HMCN1: variants seen among roughly 807,000 people sequenced by gnomAD.
HMCN1 encodes hemicentin-1.
In HMCN1, 321 loss-of-function variants were observed where a neutral mutation model predicts 625.9. The observed-to-expected ratio is 0.51, with a 90% CI of 0.47 to 0.56. The LOEUF is 0.56. HMCN1 is among the 20% of genes least tolerant of loss of function. HMCN1 has a pLI of 0.00. For synonymous variants in HMCN1, 2,425 were observed against 2,417.6 expected (o/e 1.00, Z -0.09); for missense variants, 6,588 against 6,887.3 (o/e 0.96, Z 1.54).
intron 11 of HMCN1, among the ~76,000 whole-genome samples, chr1:185,953,747 AG>A (rs1203216778): frequency 6.6e-6 from 1 of 151,798 alleles, no homozygotes; most frequent in African/African-American, 2.4e-5. Context: ...CCCCGATCCG[AG>A]TCACGGCACC....
At chr1:186,032,840 T>C (rs1343216804) in intron 36 of HMCN1, among the ~76,000 whole-genome samples, 1 of 152,034 alleles carries the variant, frequency 6.6e-6, no homozygotes, top group Non-Finnish European at 1.5e-5. Context: ...ACAACCACTA[T>C]GGAGAACAGT....
chr1:185,948,000 T>TTAAATAA (rs1668430899), intron 11 of HMCN1, among the ~76,000 whole-genome samples: 1 of 152,202 alleles, frequency 6.6e-6, no homozygotes, highest in African/African-American at 2.4e-5. Context: ...ATAAGCTGAT[T>TTAAATAA]GACCTAAATC....
chr1:185,883,738 C>G (rs896714330), intron 4 of HMCN1, among the ~76,000 whole-genome samples: 1 of 151,820 alleles, frequency 6.6e-6, no homozygotes, highest in African/African-American at 2.4e-5. Flanking sequence ...TTTTCAATTT[C>G]TAAAATTTAG....
Position 186,189,797 on chromosome 1 carries a change from C to T in HMCN1, c.16827C>T (p.Ala5609=). ...EAETYRMRVR[A]SSYSANGTIE... The stretch of plus-strand genomic sequence containing the variant: ...AGACCTACCGCATGAGGGTCCGAGC[C>T]TCATCCTACAGTGCCAATGGGACCA... The change falls in exon 107 of 107, where the codon GCC becomes GCT. Residue 5609 remains alanine, a synonymous_variant. Coordinates refer to ENST00000271588, the MANE Select transcript of HMCN1 (RefSeq NM_031935.3). 2 of 1,613,780 alleles carry T rather than the reference C, an allele frequency of 1.2e-6. No homozygotes were observed. The highest frequency in any genetic ancestry group is 1.7e-4 in the Middle Eastern group (1 of 6,050).
intron 4 of HMCN1, among the ~76,000 whole-genome samples, chr1:185,877,774 T>C (rs1664051641): frequency 6.6e-6 from 1 of 152,104 alleles, no homozygotes; most frequent in African/African-American, 2.4e-5. Flanking sequence ...GAGGTACATG[T>C]GCAGGTTTGT....
At chr1:185,987,135 A>C (rs79420571) in intron 19 of HMCN1, among the ~76,000 whole-genome samples, 1 of 146,574 alleles carries the variant, frequency 6.8e-6, no homozygotes, top group African/African-American at 2.5e-5. Flanking sequence ...GTTTCCAGCA[A>C]AAAAAAAAAA....
chr1:185,886,283 CA>C, intron 4 of HMCN1, among the ~76,000 whole-genome samples: 1 of 151,510 alleles, frequency 6.6e-6, no homozygotes, highest in Middle Eastern at 3.4e-3. Context: ...AAGAAAAGCC[CA>C]ATTGTGTACA....
At chr1:185,996,909 A>G (rs1409524044) in intron 24 of HMCN1, among the ~76,000 whole-genome samples, 2 of 152,114 alleles carry the variant, frequency 1.3e-5, no homozygotes, top group East Asian at 1.9e-4. Context: ...TTTGAATTAG[A>G]TAAGTCAATG....
At chr1:186,117,703 CAGAATAAA>C in intron 77 of HMCN1, 80 bp downstream of exon 77, 1 of 1,360,692 alleles carries the variant, frequency 7.3e-7, no homozygotes, top group Non-Finnish European at 1.0e-6. Flanking sequence ...TTTGTTGCAC[CAGAATAAA>C]AGAATAAAAT....
intron 40 of HMCN1, among the ~76,000 whole-genome samples, chr1:186,044,448 A>G (rs1040741348): frequency 3.3e-5 from 5 of 152,132 alleles, no homozygotes; most frequent in African/African-American, 4.8e-5. Flanking sequence ...TTCCCTCTGT[A>G]GCAGACATGG....
Position 186,189,560 on chromosome 1 carries a change from C to T in HMCN1, c.16590C>T (p.Ser5530=), listed in dbSNP as rs779068275. ...CPPNDLECAL[S]PYALEYKLVS... is the part of the protein sequence containing the mutation. Reference sequence around the variant, plus strand: ...CCAATGATTTGGAATGTGCCTTGAGCCCATATGCCTTGGAATACAAACTCG... The same window carrying T: ...CCAATGATTTGGAATGTGCCTTGAGTCCATATGCCTTGGAATACAAACTCG... Residue 5530 remains serine (S), a synonymous_variant, in exon 107 of 107, where the codon AGC becomes AGT. Transcript: ENST00000271588. The T allele has an allele frequency of 3.3e-5, 54 of 1,613,386 alleles. 2 individuals are homozygous for T. In the South Asian group the frequency reaches 4.9e-4, roughly 15 times the overall value.
At position 186,130,690 on chromosome 1, in the gene HMCN1, G is replaced by A. The variant is rs779507844; in HGVS notation, c.13223G>A (p.Gly4408Asp). The A allele has an allele frequency of 2.5e-6, 4 of 1,612,308 alleles. No individual in the cohort carries two copies. Among genetic ancestry groups the A allele is most frequent in the Non-Finnish European group, 3.4e-6 (4 of 1,179,404 alleles). Residue 4408 changes from glycine (G) to aspartate (D), a missense_variant, in exon 85 of 107, where the codon GGC (glycine) becomes GAC (aspartate). Gly to Asp is a moderately conservative substitution (Grantham distance 94, BLOSUM62 -1). Coordinates refer to ENST00000271588, the MANE Select transcript of HMCN1 (RefSeq NM_031935.3). ...QLGNGSLAIY[G>D]TVNEDAGDYT... Reference sequence around the variant, plus strand: ...GGCAATGGCTCCCTGGCCATCTATGGCACTGTTGTAAGTCACGCCAGAATG... The same window carrying A: ...GGCAATGGCTCCCTGGCCATCTATGACACTGTTGTAAGTCACGCCAGAATG...
At chr1:185,951,191 A>G (rs1384565852) in intron 11 of HMCN1, among the ~76,000 whole-genome samples, 16 of 151,112 alleles carry the variant, frequency 1.1e-4, no homozygotes, top group South Asian at 4.2e-4. Flanking sequence ...TTGGATTGGG[A>G]AGAAGGGCGG....
rs781775527 is a variant in HMCN1 at position 186,086,262 on chromosome 1, T to C, written c.8901T>C (p.Ile2967=). The change falls in exon 58 of 107, where the codon ATT becomes ATC. Residue 2967 remains isoleucine, a synonymous_variant. Coordinates refer to ENST00000271588, the MANE Select transcript of HMCN1 (RefSeq NM_031935.3). ...NLNVHVPPSV[I]GPKSENLTVV... Reference sequence around the variant, plus strand: ...CTATTATAGTTCCTCCAAGTGTCATTGGTCCTAAATCTGAAAATCTTACCG... The same window carrying C: ...CTATTATAGTTCCTCCAAGTGTCATCGGTCCTAAATCTGAAAATCTTACCG... 9.9e-6 allele frequency: 16 copies of C among 1,612,242 alleles called. No homozygotes were observed. The South Asian group carries it at 1.3e-4, about 13-fold the overall frequency.
chr1:186,095,271 G>T lies in HMCN1; in HGVS notation c.10323G>T (p.Gly3441=). ...CACCAAATATGGACAATTCAATGGG[G>T]ACAGAGGAAATCACAGTTCTCAAAG... ...FAPPNMDNSM[G]TEEITVLKGS... is the part of the protein sequence containing the mutation. Residue 3441 remains glycine, a synonymous_variant, in exon 68 of 107, where the codon GGG becomes GGT. Coordinates refer to ENST00000271588, the MANE Select transcript of HMCN1 (RefSeq NM_031935.3). 1 of 1,613,716 alleles carries T rather than the reference G, an allele frequency of 6.2e-7. No homozygotes were observed.
intron 25 of HMCN1, 73 bp downstream of exon 25, chr1:185,997,597 T>C (rs1455687658): frequency 2.9e-6 from 3 of 1,033,746 alleles, no homozygotes; most frequent in Non-Finnish European, 4.6e-6. Context: ...GAACCCAAAT[T>C]GTCATCCTTA....
At position 186,095,515 on chromosome 1, in the gene HMCN1, G is replaced by A; in HGVS notation, c.10567G>A (p.Val3523Ile). 6.2e-7 allele frequency: 1 copy of A among 1,613,366 alleles called. No individual in the cohort carries two copies. Among genetic ancestry groups the A allele is most frequent in the Non-Finnish European group, 8.5e-7 (1 of 1,179,538 alleles). Residue 3523 changes from valine (V) to isoleucine (I), a missense_variant, in exon 68 of 107, where the codon GTC (valine) becomes ATC (isoleucine). Coordinates refer to ENST00000271588, the MANE Select transcript of HMCN1 (RefSeq NM_031935.3). ...GEVSKHFILK[V>I]LEPPHINGSE... The stretch of plus-strand genomic sequence containing the variant: ...AGTCAGCAAGCACTTTATCCTCAAG[G>A]TCCTAGGTATGTAAACATTGTGGTA...
At chr1:185,930,584 A>T (rs534792436) in intron 10 of HMCN1, among the ~76,000 whole-genome samples, 1 of 152,318 alleles carries the variant, frequency 6.6e-6, no homozygotes, top group South Asian at 2.1e-4. Context: ...GGAACACCCA[A>T]GAGCAGTTTA....
intron 6 of HMCN1, among the ~76,000 whole-genome samples, chr1:185,921,250 G>T (rs903408883): frequency 2.0e-5 from 3 of 152,094 alleles, no homozygotes; most frequent in Admixed American, 2.0e-4. Flanking sequence ...CATGATGATG[G>T]GTTTTTTTCT....
Sources: allele counts gnomAD v4.1 joint callset (sites outside exome capture counted in the v4.1 genomes callset), GRCh38; gene constraint gnomAD v4.1.1; transcripts MANE v1.5; gene names NCBI Gene and HGNC (gene_info 2026-07-23, HGNC 2026-07-21).